COL19A1: variants seen among roughly 807,000 people sequenced by gnomAD.
COL19A1 encodes collagen type XIX alpha 1 chain, also known as collagen alpha-1(XIX) chain.
COL19A1 carries 159 observed loss-of-function variants against 190.2 expected under a neutral mutation model. The observed-to-expected ratio is 0.84, with a 90% CI of 0.73 to 0.95. The LOEUF is 0.95. Ranked by LOEUF, COL19A1 falls within the 40% of genes least tolerant of loss-of-function variation. The pLI is 0.00. For synonymous variants in COL19A1, 509 were observed against 458.9 expected (o/e 1.11, Z -1.39); for missense variants, 1,418 against 1,431.9 (o/e 0.99, Z 0.16).
At chr6:70,074,690 T>A (rs926246356) in intron 15 of COL19A1, among the ~76,000 whole-genome samples, 1 of 151,532 alleles carries the variant, frequency 6.6e-6, no homozygotes, top group African/African-American at 2.4e-5. Flanking sequence ...TAGAGAGGAG[T>A]CTTATAGAGA....
chr6:69,957,437 A>G (rs182337432), intron 9 of COL19A1, among the ~76,000 whole-genome samples: 109 of 152,254 alleles, frequency 7.2e-4, no homozygotes, highest in Non-Finnish European at 1.4e-3. Context: ...CAACGATACT[A>G]TCGGCAGCAA....
chr6:70,106,521 A>AGCT (rs1783979630), intron 16 of COL19A1, among the ~76,000 whole-genome samples: 1 of 152,218 alleles, frequency 6.6e-6, no homozygotes, highest in African/African-American at 2.4e-5. Flanking sequence ...ACTCCAATTT[A>AGCT]GCTTAACTAT....
chr6:70,188,267 T>C (rs768986479), intron 47 of COL19A1, 22 bp downstream of exon 47: 2 of 1,583,936 alleles, frequency 1.3e-6, no homozygotes, highest in East Asian at 2.2e-5. Flanking sequence ...TAAGACGCTT[T>C]AGGGCTCCTG....
intron 1 of COL19A1, among the ~76,000 whole-genome samples, chr6:69,874,633 C>A (rs991705739): frequency 1.3e-5 from 2 of 152,080 alleles, no homozygotes; most frequent in African/African-American, 2.4e-5. Context: ...TGCCTGTAGT[C>A]CCAGCTACTT....
chr6:69,889,613 C>T (rs530682780), intron 2 of COL19A1, among the ~76,000 whole-genome samples: 11 of 149,634 alleles, frequency 7.4e-5, no homozygotes, highest in African/African-American at 2.0e-4. Flanking sequence ...TACCAATCAG[C>T]GCTGTGTCTA....
At chr6:69,916,362 G>T (rs922933271) in intron 4 of COL19A1, among the ~76,000 whole-genome samples, 1 of 152,122 alleles carries the variant, frequency 6.6e-6, no homozygotes, top group Non-Finnish European at 1.5e-5. Flanking sequence ...AAAAAGAAAA[G>T]AAATGTTTGG....
chr6:70,201,472 C>G (rs1234466985), intron 49 of COL19A1, among the ~76,000 whole-genome samples: 1 of 152,192 alleles, frequency 6.6e-6, no homozygotes, highest in Non-Finnish European at 1.5e-5. Context: ...ATATTATAGA[C>G]TACTTCTACT....
At chr6:70,023,478 A>G (rs1778550397) in intron 11 of COL19A1, 149 bp from the exon 12 acceptor site, 1 of 630,288 alleles carries the variant, frequency 1.6e-6, no homozygotes, top group Non-Finnish European at 2.7e-6. Flanking sequence ...TGGTTTTACG[A>G]CTCAGGATTG....
rs143344170 is a variant in COL19A1 at position 69,901,734 on chromosome 6, G to A, written c.266+1396G>A. Among the ~76,000 whole-genome samples the A allele has an allele frequency of 8.5e-4, 130 of 152,262 alleles. No homozygotes were observed. The East Asian group carries it at 0.022, about 26-fold the overall frequency. On this transcript the variant is annotated intron_variant, in intron 4 of 50. Transcript: ENST00000620364. ...ACTTTAATTAATAAATTTAAGAAAG[G>A]CAATACATTCTGTTTAAAAATTAAG...
chr6:70,110,386 G>A (rs1784217057), intron 16 of COL19A1, among the ~76,000 whole-genome samples: 1 of 152,106 alleles, frequency 6.6e-6, no homozygotes, highest in East Asian at 1.9e-4. Context: ...CAGAGAAAAT[G>A]AACCTAACAA....
intron 4 of COL19A1, among the ~76,000 whole-genome samples, chr6:69,916,316 A>G (rs985526627): frequency 1.3e-5 from 2 of 152,252 alleles, no homozygotes; most frequent in Admixed American, 1.3e-4. Context: ...TGCATGCTGC[A>G]CATGTACCCC....
chr6:69,999,082 A>T (rs1312593770), intron 11 of COL19A1, among the ~76,000 whole-genome samples: 2 of 150,182 alleles, frequency 1.3e-5, no homozygotes, highest in African/African-American at 2.5e-5. Flanking sequence ...ACACCACCAC[A>T]CTCGGATAAT....
At chr6:70,029,455 A>T (rs938354310) in intron 12 of COL19A1, among the ~76,000 whole-genome samples, 32 of 152,132 alleles carry the variant, frequency 2.1e-4, no homozygotes, top group Non-Finnish European at 3.7e-4. Context: ...CATGAATTTG[A>T]TTGAAAACCT....
intron 42 of COL19A1, among the ~76,000 whole-genome samples, chr6:70,179,913 C>G (rs1288276968): frequency 6.6e-6 from 1 of 152,064 alleles, no homozygotes; most frequent in Admixed American, 6.6e-5. Context: ...GATGGAGTCT[C>G]ACTCCGTCAC....
chr6:69,984,180 G>T (rs1251551573), intron 11 of COL19A1, among the ~76,000 whole-genome samples: 5 of 152,016 alleles, frequency 3.3e-5, no homozygotes, highest in Non-Finnish European at 5.9e-5. Context: ...TGCTCCAGTG[G>T]TTATAAGGAG....
chr6:70,180,725 C>T (rs1204222808), intron 44 of COL19A1, among the ~76,000 whole-genome samples: 4 of 152,134 alleles, frequency 2.6e-5, no homozygotes, highest in African/African-American at 9.7e-5. Flanking sequence ...ATGTCTTAAA[C>T]AGTGTTGAAA....
intron 12 of COL19A1, among the ~76,000 whole-genome samples, chr6:70,029,279 A>G (rs1778897832): frequency 6.6e-6 from 1 of 152,156 alleles, no homozygotes; most frequent in Non-Finnish European, 1.5e-5. Context: ...ATGATATCCC[A>G]TGAGTAGTAC....
At chr6:70,029,323 A>G (rs908375427) in intron 12 of COL19A1, among the ~76,000 whole-genome samples, 3 of 152,062 alleles carry the variant, frequency 2.0e-5, no homozygotes, top group Non-Finnish European at 4.4e-5. Flanking sequence ...TTTATAGTCT[A>G]CCCGCTTTTA....
intron 18 of COL19A1, among the ~76,000 whole-genome samples, chr6:70,132,023 T>C (rs1785555013): frequency 1.3e-5 from 2 of 152,128 alleles, no homozygotes; most frequent in Admixed American, 1.3e-4. Flanking sequence ...ACAGGGAACT[T>C]GATGCAGTAC....
Sources: gnomAD v4.1 joint callset for allele counts (sites outside exome capture counted in the v4.1 genomes callset) on GRCh38, gnomAD v4.1.1 for gene constraint, MANE v1.5 for transcripts, NCBI Gene and HGNC (gene_info 2026-07-23, HGNC 2026-07-21) for gene names.